The following KDM1B variants were observed in gnomAD, a reference collection of about 807,000 sequenced individuals.
KDM1B encodes lysine-specific histone demethylase 2.
Under a neutral mutation model 107.4 loss-of-function variants are expected in KDM1B, and 63 were observed. The observed-to-expected ratio is 0.59, with a 90% CI of 0.48 to 0.72. KDM1B has a LOEUF of 0.72. Ranked by LOEUF, KDM1B falls within the 30% of genes least tolerant of loss-of-function variation. The probability of loss-of-function intolerance (pLI) is 0.00; values close to 1 mark genes in which losing one functional copy is unlikely to be tolerated. For missense variants in KDM1B, 749 were observed against 1,020.8 expected (o/e 0.73, Z 3.63); for synonymous variants, 363 against 363.9 (o/e 1.00, Z 0.03).
At chr6:18,198,637 CAA>C (rs762849198) in intron 12 of KDM1B, among the ~76,000 whole-genome samples, 2 of 69,220 alleles carry the variant, frequency 2.9e-5, no homozygotes, top group Middle Eastern at 9.3e-3. Context: ...GACTCCATCT[CAA>C]AAAAAAAAAA....
chr6:18,172,010 C>T lies in KDM1B; in HGVS notation c.534+531C>T, dbSNP rs545269677. 5.9e-5 allele frequency among the ~76,000 whole-genome samples: 9 copies of T among 152,164 alleles called. No homozygotes were observed. The South Asian group carries it at 8.3e-4, about 14-fold the overall frequency. Reference sequence around the variant, plus strand: ...TTTTTTTGCTAGTTTTGGTTTGTTTCGTTTTTATATAATGATGTTGACACC... The same window carrying T: ...TTTTTTTGCTAGTTTTGGTTTGTTTTGTTTTTATATAATGATGTTGACACC... On this transcript the variant is annotated intron_variant, in intron 7 of 21. Coordinates refer to ENST00000650836, the MANE Select transcript of KDM1B (RefSeq NM_001364614.2). The surrounding 1 kb of genome is among the most constrained non-coding windows in gnomAD (Gnocchi z 5.2).
intron 9 of KDM1B, 106 bp downstream of exon 9, chr6:18,188,108 G>A (rs1390026001): frequency 1.0e-6 from 1 of 1,003,204 alleles, no homozygotes; most frequent in Non-Finnish European, 1.5e-6. Flanking sequence ...GTGCAGGCTG[G>A]GCACAGTGGC....
intron 9 of KDM1B, among the ~76,000 whole-genome samples, chr6:18,190,940 A>AT (rs1470362242): frequency 1.2e-4 from 18 of 152,098 alleles, no homozygotes; most frequent in East Asian, 3.9e-4. Context: ...TATGGTATGC[A>AT]TTTTTTTACC....
chr6:18,191,988 G>T lies in KDM1B; in HGVS notation c.969+607G>T, dbSNP rs1217684982. Among the ~76,000 whole-genome samples the T allele has an allele frequency of 1.3e-5, 2 of 152,220 alleles. No individual in the cohort carries two copies. Among genetic ancestry groups the T allele is most frequent in the African/African-American group, 4.8e-5 (2 of 41,462 alleles). On this transcript the variant is annotated intron_variant, in intron 10 of 21. Transcript: ENST00000650836. This position sits in a 1 kb window ranked among gnomAD's most constrained non-coding sequence, Gnocchi z 5.1. ...ACAAAAAACAAAGGGGCTGGGTGAAGTGGCTTGTGTCTGTAATTCCAGCAC... is the reference window on the plus strand; with the variant it reads ...ACAAAAAACAAAGGGGCTGGGTGAATTGGCTTGTGTCTGTAATTCCAGCAC...
chr6:18,221,672 CTTAG>C (rs932847672), intron 21 of KDM1B, among the ~76,000 whole-genome samples: 1 of 152,160 alleles, frequency 6.6e-6, no homozygotes, highest in Non-Finnish European at 1.5e-5. Context: ...ATCACATATA[CTTAG>C]TATTTTAAAG....
At chr6:18,170,449 G>A (rs555543716) in intron 6 of KDM1B, among the ~76,000 whole-genome samples, 1 of 151,870 alleles carries the variant, frequency 6.6e-6, no homozygotes, top group East Asian at 1.9e-4. Context: ...CATGCTTTTT[G>A]ACTAACTGAA....
chr6:18,166,433 G>A (rs1038826283), intron 6 of KDM1B, 55 bp downstream of exon 6: 93 of 986,368 alleles, frequency 9.4e-5, no homozygotes, highest in Non-Finnish European at 1.2e-4. Context: ...AAATGCAAGA[G>A]GCATGGATGA....
chr6:18,186,592 G>A lies in KDM1B; in HGVS notation c.573+782G>A, dbSNP rs1340069942. On this transcript the variant is annotated intron_variant, in intron 8 of 21. Transcript: ENST00000650836. This position sits in a 1 kb window ranked among gnomAD's most constrained non-coding sequence, Gnocchi z 5.6. ...AGGGTGTTTGCATGTGTATTAGTCC[G>A]TTCTCACGCTGCTTGCTATAAAGAA... 3.3e-5 allele frequency among the ~76,000 whole-genome samples: 5 copies of A among 152,070 alleles called. No individual in the cohort carries two copies. Among genetic ancestry groups the A allele is most frequent in the Admixed American group, 2.6e-4 (4 of 15,272 alleles).
At position 18,200,541 on chromosome 6, in the gene KDM1B, TGTATTAACAACC is replaced by T. The variant is rs1283331872; in HGVS notation, c.1325_1336del (p.Cys442_Pro446delinsSer). On this transcript the variant is annotated inframe_deletion, in exon 13 of 22. Coordinates refer to ENST00000650836, the MANE Select transcript of KDM1B (RefSeq NM_001364614.2). The surrounding 1 kb of genome is among the most constrained non-coding windows in gnomAD (Gnocchi z 4.3). Reference sequence around the variant, plus strand: ...AAGAGGAGCTCAGATTGTCAATGGGTGTATTAACAACCCAGTAGCATTAATGTGTGAACAAGT... The same window carrying T: ...AAGAGGAGCTCAGATTGTCAATGGGTCAGTAGCATTAATGTGTGAACAAGT... 1 of 1,613,830 alleles carries T rather than the reference TGTATTAACAACC, an allele frequency of 6.2e-7. No individual in the cohort carries two copies. Among genetic ancestry groups the T allele is most frequent in the East Asian group, 2.2e-5 (1 of 44,864 alleles).
chr6:18,194,396 A>G (rs1787508754), intron 10 of KDM1B, among the ~76,000 whole-genome samples: 1 of 151,958 alleles, frequency 6.6e-6, no homozygotes. Context: ...AGCAGCCTGG[A>G]TTTCTGTAGT....
At chr6:18,166,697 T>C (rs1364534943) in intron 6 of KDM1B, among the ~76,000 whole-genome samples, 1 of 151,954 alleles carries the variant, frequency 6.6e-6, no homozygotes, top group Admixed American at 6.6e-5. Context: ...AAAAAATTTT[T>C]TTTTTAAGTA....
At chr6:18,178,308 AC>A (rs1169685698) in intron 7 of KDM1B, among the ~76,000 whole-genome samples, 1 of 151,862 alleles carries the variant, frequency 6.6e-6, no homozygotes, top group African/African-American at 2.4e-5. Flanking sequence ...CTGGTCTCGA[AC>A]TCCTGAACTC....
intron 17 of KDM1B, among the ~76,000 whole-genome samples, chr6:18,210,342 C>CTTTTTTTTTTTTGTTTTT (rs1788743738): frequency 1.4e-5 from 1 of 69,990 alleles, no homozygotes; most frequent in Non-Finnish European, 2.9e-5. Context: ...TCTTTCTTTT[C>CTTTTTTTTTTTTGTTTTT]TTTTTTTTTT....
intron 2 of KDM1B, among the ~76,000 whole-genome samples, chr6:18,156,424 A>G (rs1208903307): frequency 6.6e-6 from 1 of 152,190 alleles, no homozygotes; most frequent in Admixed American, 6.5e-5. Flanking sequence ...GGAATCCCCC[A>G]CACCACGTAT....
chr6:18,222,846 T>A lies in KDM1B; in HGVS notation c.*854T>A, dbSNP rs1789866575. 6.6e-6 allele frequency: 1 copy of A among 152,630 alleles called. No individual in the cohort carries two copies. The highest frequency in any genetic ancestry group is 2.1e-4 in the South Asian group (1 of 4,828). The allele number at this position is 152,630 out of a possible 1,614,324, so 9.5% of individuals were successfully genotyped here. A position where few individuals can be genotyped will look rare whatever the true frequency, so the allele number is the denominator to read the frequency against. On this transcript the variant is annotated 3_prime_UTR_variant, in exon 22 of 22. Coordinates refer to ENST00000650836, the MANE Select transcript of KDM1B (RefSeq NM_001364614.2). ...TAATTTAACCAAGCCCCTCTCCACT[T>A]CTTTTATTTAAAAGCACTGATTCAA...
At chr6:18,183,455 T>G (rs952352851) in intron 7 of KDM1B, among the ~76,000 whole-genome samples, 1 of 151,870 alleles carries the variant, frequency 6.6e-6, no homozygotes, top group Non-Finnish European at 1.5e-5. Flanking sequence ...AGACGGGGTT[T>G]CATCACGTTG....
Position 18,214,891 on chromosome 6 carries a change from CAG to C in KDM1B, c.2110-113_2110-112del. On this transcript the variant is annotated intron_variant, in intron 19 of 21. Coordinates refer to ENST00000650836, the MANE Select transcript of KDM1B (RefSeq NM_001364614.2). The surrounding 1 kb of genome is among the most constrained non-coding windows in gnomAD (Gnocchi z 4.4). ...CACCATTGCACTCCAGCCTGGGTGA[CAG>C]AGCAAAACTCTGTCTCATTTAAAAC... 9.5e-7 allele frequency: 1 copy of C among 1,047,242 alleles called. No individual in the cohort carries two copies. Among genetic ancestry groups the C allele is most frequent in the Non-Finnish European group, 1.4e-6 (1 of 739,856 alleles). 64.9% of individuals were successfully genotyped at this position (1,047,242 alleles called of 1,614,324 possible).
In KDM1B at chr6:18,172,796, CAT is replaced by C. The variant is rs1393042954; in HGVS notation, c.534+1320_534+1321del. Among the ~76,000 whole-genome samples, 4 of 151,776 alleles carry C rather than the reference CAT, an allele frequency of 2.6e-5. No homozygotes were observed. The highest frequency in any genetic ancestry group is 2.1e-4 in the South Asian group (1 of 4,812). On this transcript the variant is annotated intron_variant, in intron 7 of 21. Transcript: ENST00000650836. The surrounding 1 kb of genome is among the most constrained non-coding windows in gnomAD (Gnocchi z 5.2). ...CCTATTCGTTTCTTATGAATAAAAA[CAT>C]ATTAGGAGTGGTTGGGCGCGGTGGC...
rs902193799 is a variant in KDM1B at position 18,204,384 on chromosome 6, C to T, written c.1532-1153C>T. Among the ~76,000 whole-genome samples, 5 of 151,852 alleles carry T rather than the reference C, an allele frequency of 3.3e-5. No homozygotes were observed. Among genetic ancestry groups the T allele is most frequent in the East Asian group, 1.9e-4 (1 of 5,162 alleles). On this transcript the variant is annotated intron_variant, in intron 14 of 21. Coordinates refer to ENST00000650836, the MANE Select transcript of KDM1B (RefSeq NM_001364614.2). This position sits in a 1 kb window ranked among gnomAD's most constrained non-coding sequence, Gnocchi z 4.9. Reference sequence around the variant, plus strand: ...CTGTAGTCCCAGCTACTTGGGAGGCCGATTGCTGGAGCCCCGGAAGTTGAG... The same window carrying T: ...CTGTAGTCCCAGCTACTTGGGAGGCTGATTGCTGGAGCCCCGGAAGTTGAG...
Sources: gnomAD v4.1 joint callset for allele counts (sites outside exome capture counted in the v4.1 genomes callset) on GRCh38, gnomAD v4.1.1 for gene constraint, Gnocchi (gnomAD v3.1) non-coding constraint, MANE v1.5 for transcripts, NCBI Gene and HGNC (gene_info 2026-07-23, HGNC 2026-07-21) for gene names.